Variants in PARD3B observed in about 807,000 individuals in gnomAD.
PARD3B encodes the protein par-3 family cell polarity regulator beta, also known as partitioning defective 3 homolog B.
PARD3B carries 103 observed loss-of-function variants against 130.2 expected under a neutral mutation model. The observed-to-expected ratio is 0.79, with a 90% confidence interval of 0.67 to 0.93. The LOEUF is 0.93. PARD3B is among the 40% of genes least tolerant of loss of function. PARD3B has a pLI of 0.00. For missense variants in PARD3B, 1,609 were observed against 1,499.2 expected, an observed-to-expected ratio of 1.07 and a Z score of -1.21; for synonymous variants, 583 against 553.2, an observed-to-expected ratio of 1.05 and a Z score of -0.76.
intron 4 of PARD3B, among the ~76,000 whole-genome samples, chr2:205,071,807 A>C (rs1575702272): frequency 6.6e-6 from 1 of 152,118 alleles, no homozygotes; most frequent in East Asian, 1.9e-4. Context: ...CCTAAACATA[A>C]CTGCCACTTT....
chr2:205,189,754 TATGCC>T (rs1216413569), intron 14 of PARD3B, among the ~76,000 whole-genome samples: 4 of 152,248 alleles, frequency 2.6e-5, no homozygotes, highest in African/African-American at 9.6e-5. Flanking sequence ...TGGTGCTCTA[TATGCC>T]CACATTGGCT....
intron 19 of PARD3B, among the ~76,000 whole-genome samples, chr2:205,415,311 A>G (rs2046737304): frequency 6.6e-6 from 1 of 152,162 alleles, no homozygotes; most frequent in South Asian, 2.1e-4. Flanking sequence ...GCTCCCAATA[A>G]TTATAGATTT....
intron 6 of PARD3B, among the ~76,000 whole-genome samples, chr2:205,118,679 G>A (rs1367261055): frequency 6.6e-6 from 1 of 152,184 alleles, no homozygotes; most frequent in African/African-American, 2.4e-5. Context: ...CTGCAAGCAT[G>A]AGAAATGAAG....
intron 2 of PARD3B, among the ~76,000 whole-genome samples, chr2:204,927,560 A>G (rs1220675280): frequency 6.6e-6 from 1 of 152,184 alleles, no homozygotes; most frequent in African/African-American, 2.4e-5. Context: ...CAATAACATA[A>G]TTCTGTTTTG....
At chr2:204,719,462 A>G (rs950731281) in intron 2 of PARD3B, among the ~76,000 whole-genome samples, 1 of 152,240 alleles carries the variant, frequency 6.6e-6, no homozygotes, top group East Asian at 1.9e-4. Context: ...TCTTTAAACT[A>G]TAAATTAACT....
At chr2:205,169,808 A>T (rs544804102) in intron 11 of PARD3B, among the ~76,000 whole-genome samples, 2 of 152,320 alleles carry the variant, frequency 1.3e-5, no homozygotes, top group South Asian at 4.1e-4. Flanking sequence ...AACGATTTTT[A>T]GTAACAAGAT....
intron 2 of PARD3B, among the ~76,000 whole-genome samples, chr2:204,915,329 C>G (rs937063827): frequency 2.0e-5 from 3 of 151,998 alleles, no homozygotes; most frequent in South Asian, 2.1e-4. Flanking sequence ...AGAAAAGTCC[C>G]CTCCCTAGAG....
At chr2:204,607,719 A>G (rs529125895) in intron 1 of PARD3B, among the ~76,000 whole-genome samples, 2 of 152,304 alleles carry the variant, frequency 1.3e-5, no homozygotes, top group South Asian at 4.1e-4. Context: ...AGCTGTTCTG[A>G]GTGCCCAGAG....
At chr2:205,537,766 T>C (rs1346808638) in intron 21 of PARD3B, among the ~76,000 whole-genome samples, 7 of 152,246 alleles carry the variant, frequency 4.6e-5, no homozygotes, top group Non-Finnish European at 7.3e-5. Flanking sequence ...CTGGCATTTA[T>C]ATGTGATCCC....
chr2:204,699,132 T>C (rs758489348), intron 2 of PARD3B, among the ~76,000 whole-genome samples: 6 of 152,070 alleles, frequency 3.9e-5, no homozygotes, highest in Non-Finnish European at 7.4e-5. Flanking sequence ...ACCTGACATA[T>C]GACTCTTTTC....
chr2:204,937,649 G>A (rs1158981905), intron 2 of PARD3B, among the ~76,000 whole-genome samples: 1 of 152,148 alleles, frequency 6.6e-6, no homozygotes, highest in African/African-American at 2.4e-5. Flanking sequence ...GTATGTGTCA[G>A]CGCCACTACA....
chr2:204,786,474 C>T (rs1292461340), intron 2 of PARD3B, among the ~76,000 whole-genome samples: 1 of 151,934 alleles, frequency 6.6e-6, no homozygotes. Context: ...GCTCCAGTGA[C>T]TTGCATACAC....
intron 2 of PARD3B, among the ~76,000 whole-genome samples, chr2:204,711,281 A>G (rs1439561458): frequency 1.3e-5 from 2 of 152,166 alleles, no homozygotes; most frequent in Non-Finnish European, 2.9e-5. Flanking sequence ...TTTACAACAA[A>G]CTTTATGAAG....
Position 205,104,469 on chromosome 2 carries a change from TA to T in PARD3B, c.549del (p.Gln184ArgfsTer5). The T allele has an allele frequency of 6.2e-7, 1 of 1,603,288 alleles. No homozygotes were observed. Among genetic ancestry groups the T allele is most frequent in the Non-Finnish European group, 8.5e-7 (1 of 1,170,306 alleles). Reference sequence around the variant, plus strand: ...GAAGACAGAGAAGTTTTGAATGGTGTACAGACAGAACTACTAACTTCGCCAA... The same window carrying T: ...GAAGACAGAGAAGTTTTGAATGGTGTCAGACAGAACTACTAACTTCGCCAA... ...NLEDREVLNGVQTELLTSPRT... is the reference protein window; with the variant it reads ...NLEDREVLNGXQTELLTSPRT... On this transcript the variant is annotated frameshift_variant, in exon 5 of 23. Transcript: ENST00000406610. LOFTEE classifies it high-confidence loss of function.
chr2:204,950,425 T>C (rs1003675892), intron 2 of PARD3B, among the ~76,000 whole-genome samples: 2 of 152,148 alleles, frequency 1.3e-5, no homozygotes, highest in Non-Finnish European at 2.9e-5. Context: ...ACTGAGTCAG[T>C]GTGACTGCAG....
At chr2:205,189,330 G>A (rs1156694835) in intron 14 of PARD3B, among the ~76,000 whole-genome samples, 1 of 152,084 alleles carries the variant, frequency 6.6e-6, no homozygotes, top group African/African-American at 2.4e-5. Context: ...TTCATTGTTG[G>A]CTCTTATACA....
intron 20 of PARD3B, among the ~76,000 whole-genome samples, chr2:205,441,274 G>A (rs903452191): frequency 6.6e-6 from 1 of 152,152 alleles, no homozygotes; most frequent in Non-Finnish European, 1.5e-5. Flanking sequence ...AGATCTTTAG[G>A]TTTAGCAGCT....
intron 18 of PARD3B, among the ~76,000 whole-genome samples, chr2:205,305,532 T>G (rs901131381): frequency 2.6e-5 from 4 of 152,228 alleles, no homozygotes; most frequent in African/African-American, 9.6e-5. Flanking sequence ...ATTGCCAGAA[T>G]TTATGAACTG....
At chr2:205,299,225 G>A (rs1283232963) in intron 16 of PARD3B, among the ~76,000 whole-genome samples, 1 of 152,102 alleles carries the variant, frequency 6.6e-6, no homozygotes, top group Non-Finnish European at 1.5e-5. Context: ...TTAATGCTGT[G>A]TGCAGCTGCT....
Sources: gnomAD v4.1 joint callset for allele counts (sites outside exome capture counted in the v4.1 genomes callset) on GRCh38, gnomAD v4.1.1 for gene constraint, MANE v1.5 for transcripts, NCBI Gene and HGNC (gene_info 2026-07-23, HGNC 2026-07-21) for gene names.